Variants in MYO19 observed in about 807,000 individuals in gnomAD.
The protein encoded by MYO19 is unconventional myosin-XIX.
MYO19 carries 132 observed loss-of-function variants against 129.2 expected under a neutral mutation model. The observed-to-expected ratio is 1.02, with a 90% confidence interval of 0.89 to 1.18. The LOEUF (loss-of-function observed/expected upper bound fraction) is 1.18, where lower values mean the gene tolerates loss of function less well. MYO19 is among the 50% of genes most tolerant of loss of function. MYO19 has a pLI of 0.00. For synonymous variants in MYO19, 531 were observed against 477.2 expected (o/e 1.11, Z -1.47); for missense variants, 1,210 against 1,216.7 (o/e 0.99, Z 0.08).
At chr17:36,498,646 A>T (rs766751655) in intron 24 of MYO19, 87 bp from the exon 25 acceptor site, 242 of 1,421,386 alleles carry the variant, frequency 1.7e-4, no homozygotes, top group Middle Eastern at 2.3e-4. Flanking sequence ...TTAACAAATC[A>T]TCTTAACAAG....
At position 36,513,459 on chromosome 17, in the gene MYO19, A is replaced by C; in HGVS notation, c.864T>G (p.Ile288Met). 1 of 1,613,978 alleles carries C rather than the reference A, an allele frequency of 6.2e-7. No individual in the cohort carries two copies. ...AGATGTTGTTCTGGGTAGGGGTGTC[A>C]ATGCCCAAATGGAGCATGGCCTCTC... ...VTREAMLHLG[I>M]DTPTQNNIFK... Residue 288 changes from isoleucine (I) to methionine (M), a missense_variant, in exon 11 of 26, where the codon ATT becomes ATG. Physicochemically the swap from Ile to Met is conservative, Grantham distance 10. Coordinates refer to ENST00000614623, the MANE Select transcript of MYO19 (RefSeq NM_001163735.2).
intron 6 of MYO19, among the ~76,000 whole-genome samples, chr17:36,522,234 G>A (rs1196646590): frequency 2.0e-5 from 3 of 152,142 alleles, no homozygotes; most frequent in African/African-American, 7.2e-5. Context: ...GTTTGGCCGG[G>A]CGTGGTGGCT....
chr17:36,529,273 C>T (rs2073681841), intron 3 of MYO19, among the ~76,000 whole-genome samples: 1 of 152,078 alleles, frequency 6.6e-6, no homozygotes, highest in Non-Finnish European at 1.5e-5. Context: ...GATCCTTCTG[C>T]CTCAGCTTCC....
At chr17:36,504,237 C>A in intron 19 of MYO19, 1 of 504,276 alleles carries the variant, frequency 2.0e-6, no homozygotes, top group Non-Finnish European at 3.5e-6. Flanking sequence ...CCCAAGTCCC[C>A]CTCATCCGAC....
upstream of MYO19, chr17:36,537,957 T>C (rs2074165957): frequency 2.5e-6 from 4 of 1,614,090 alleles, no homozygotes; most frequent in Middle Eastern, 1.6e-4. Context: ...GAGGTTAATA[T>C]TATATGGCAC....
chr17:36,544,627 G>A (rs2074227046), upstream of MYO19, among the ~76,000 whole-genome samples: 1 of 152,178 alleles, frequency 6.6e-6, no homozygotes, highest in South Asian at 2.1e-4. Context: ...GACGTCGAGG[G>A]GCTTGCCCCT....
chr17:36,518,437 G>A (rs1211777589), intron 6 of MYO19, among the ~76,000 whole-genome samples: 18 of 141,716 alleles, frequency 1.3e-4, no homozygotes, highest in Non-Finnish European at 2.0e-4. Flanking sequence ...GGAGGTTGCA[G>A]TGAGCTGAGA....
chr17:36,531,478 C>T (rs930667527), intron 3 of MYO19, among the ~76,000 whole-genome samples: 19 of 151,100 alleles, frequency 1.3e-4, no homozygotes, highest in Admixed American at 5.3e-4. Context: ...CCAGAAATAA[C>T]CAATATTTTA....
At chr17:36,514,033 G>A (rs760490851) in intron 9 of MYO19, among the ~76,000 whole-genome samples, 7 of 152,194 alleles carry the variant, frequency 4.6e-5, no homozygotes, top group Non-Finnish European at 1.0e-4. Context: ...AGGATGCTCC[G>A]ATTTTGAGAG....
intron 13 of MYO19, 55 bp downstream of exon 13, chr17:36,510,689 GAC>G: frequency 6.6e-7 from 1 of 1,517,622 alleles, no homozygotes; most frequent in South Asian, 1.3e-5. Context: ...CCCAACCCCG[GAC>G]AGGAAGAGCA....
At position 36,525,333 on chromosome 17, in the gene MYO19, C is replaced by A; in HGVS notation, c.309G>T (p.Lys103Asn). 1 of 1,611,304 alleles carries A rather than the reference C, an allele frequency of 6.2e-7. No homozygotes were observed. Among genetic ancestry groups the A allele is most frequent in the Non-Finnish European group, 8.5e-7 (1 of 1,177,834 alleles). The change falls in exon 6 of 26, where the codon AAG becomes AAT. Residue 103 changes from lysine (K) to asparagine (N), a missense_variant. Lys to Asn is a moderately conservative substitution (Grantham distance 94, BLOSUM62 0). Transcript: ENST00000614623. Reference protein sequence around the residue: ...YHAAPQPQKLKPHVFTVGEQT... With the variant: ...YHAAPQPQKLNPHVFTVGEQT... ...GTTCACCCACAGTGAACACATGGGG[C>A]TTCAGTTTCTGGAACATCAAGGAGT...
chr17:36,512,363 T>C (rs1177742432), intron 11 of MYO19, among the ~76,000 whole-genome samples: 2 of 136,394 alleles, frequency 1.5e-5, no homozygotes, highest in Non-Finnish European at 3.1e-5. Flanking sequence ...CACTCTAGAC[T>C]GGGCAACTAG....
At chr17:36,532,506 T>A in intron 3 of MYO19, 21 bp downstream of exon 3, 1 of 1,554,112 alleles carries the variant, frequency 6.4e-7, no homozygotes, top group South Asian at 1.2e-5. Flanking sequence ...GGGCCTGGGT[T>A]ATCTAAGGTT....
chr17:36,506,880 C>T lies in MYO19; in HGVS notation c.1644+83G>A, dbSNP rs138012192. The T allele has an allele frequency of 9.9e-6, 14 of 1,413,930 alleles. No individual in the cohort carries two copies. The African/African-American group carries it at 1.3e-4, about 13-fold the overall frequency. 87.6% of individuals were successfully genotyped at this position (1,413,930 alleles called of 1,614,324 possible). On this transcript the variant is annotated intron_variant, in intron 17 of 25. Coordinates refer to ENST00000614623, the MANE Select transcript of MYO19 (RefSeq NM_001163735.2). ...GGAGGTTCAGGAGAGAAAGGACTCA[C>T]GATGGGAAACTACTATGTCTGCATA... is the stretch of plus-strand genomic sequence containing the variant.
intron 3 of MYO19, among the ~76,000 whole-genome samples, chr17:36,530,837 T>G (rs2073791290): frequency 6.6e-6 from 1 of 152,116 alleles, no homozygotes; most frequent in South Asian, 2.1e-4. Context: ...GCCAGACTGG[T>G]CTTGAACTCC....
At chr17:36,530,405 T>A (rs146533749) in intron 3 of MYO19, among the ~76,000 whole-genome samples, 130 of 151,214 alleles carry the variant, frequency 8.6e-4, no homozygotes, top group African/African-American at 3.1e-3. Context: ...AGAAAGGCCA[T>A]CTGGAATCTG....
chr17:36,518,758 T>C (rs2072960958), intron 6 of MYO19, among the ~76,000 whole-genome samples: 1 of 151,370 alleles, frequency 6.6e-6, no homozygotes, highest in Non-Finnish European at 1.5e-5. Flanking sequence ...AAAAATAAGA[T>C]GGTAGATTTA....
At chr17:36,508,218 G>C (rs2072057740) in intron 14 of MYO19, 1 of 267,760 alleles carries the variant, frequency 3.7e-6, no homozygotes, top group African/African-American at 2.2e-5. Flanking sequence ...GAATTCTCTG[G>C]TTCTGATAGG....
intron 19 of MYO19, chr17:36,504,959 G>A (rs1214783894): frequency 9.8e-6 from 4 of 406,800 alleles, no homozygotes; most frequent in Non-Finnish European, 1.9e-5. Flanking sequence ...AGTGAGAAAT[G>A]GCTGCACTGT....
Sources: allele counts gnomAD v4.1 joint callset (sites outside exome capture counted in the v4.1 genomes callset), GRCh38; gene constraint gnomAD v4.1.1; transcripts MANE v1.5; gene names NCBI Gene and HGNC (gene_info 2026-07-23, HGNC 2026-07-21).